FUT9: variants seen among roughly 807,000 people sequenced by gnomAD.
FUT9 encodes the protein fucosyltransferase 9, also known as 4-galactosyl-N-acetylglucosaminide 3-alpha-L-fucosyltransferase 9.
Under a neutral mutation model 29.7 loss-of-function variants are expected in FUT9, and 15 were observed. The ratio of observed to expected loss-of-function variants is 0.51; its 90% CI spans 0.34 to 0.78. FUT9 has a LOEUF of 0.78. FUT9 is among the 30% of genes least tolerant of loss of function. The pLI is 0.01. For missense variants in FUT9, 319 were observed against 425.4 expected, an observed-to-expected ratio of 0.75 and a Z score of 2.20; for synonymous variants, 169 against 153.7, an observed-to-expected ratio of 1.10 and a Z score of -0.74.
At chr6:96,108,144 G>T (rs1771727844) in intron 1 of FUT9, among the ~76,000 whole-genome samples, 1 of 151,948 alleles carries the variant, frequency 6.6e-6, no homozygotes, top group Non-Finnish European at 1.5e-5. Context: ...GTTCTTTTCA[G>T]TCTAGGATTC....
chr6:96,104,706 G>A (rs1442997850), intron 1 of FUT9, among the ~76,000 whole-genome samples: 1 of 151,770 alleles, frequency 6.6e-6, no homozygotes. Context: ...CATTTTTTGT[G>A]TTTTCAGTAG....
At chr6:96,184,707 G>T (rs1248498465) in intron 2 of FUT9, among the ~76,000 whole-genome samples, 3 of 151,964 alleles carry the variant, frequency 2.0e-5, no homozygotes, top group African/African-American at 7.2e-5. Flanking sequence ...TTTCATTGTT[G>T]ACCTGATGAT....
intron 1 of FUT9, among the ~76,000 whole-genome samples, chr6:96,089,791 ATAAAAG>A (rs1582222025): frequency 6.6e-6 from 1 of 152,318 alleles, no homozygotes; most frequent in East Asian, 1.9e-4. Flanking sequence ...CTTTTAAGCT[ATAAAAG>A]TGTGGCCTCT....
intron 1 of FUT9, among the ~76,000 whole-genome samples, chr6:96,105,233 T>C (rs1771656379): frequency 6.6e-6 from 1 of 152,216 alleles, no homozygotes; most frequent in Admixed American, 6.5e-5. Flanking sequence ...TTCTGAACAA[T>C]ATAATGTATT....
rs958717417 is a variant in FUT9, at chr6:96,207,506, A to G, written c.*3271A>G. The G allele has an allele frequency of 1.2e-5, 2 of 167,046 alleles. No homozygotes were observed. The highest frequency in any genetic ancestry group is 2.4e-5 in the African/African-American group (1 of 41,446). The allele number at this position is 167,046 out of a possible 1,614,324, so 10.3% of individuals were successfully genotyped here. On this transcript the variant is annotated 3_prime_UTR_variant, in exon 3 of 3. Coordinates refer to ENST00000302103, the MANE Select transcript of FUT9 (RefSeq NM_006581.4). ...TCTGGTTTAAATATTTTAGGAGTTG[A>G]GTTCAGCAGAAGGAAATGGGCTATC...
chr6:96,188,197 A>G (rs779157438), intron 2 of FUT9, among the ~76,000 whole-genome samples: 17 of 152,174 alleles, frequency 1.1e-4, no homozygotes, highest in Non-Finnish European at 2.5e-4. Flanking sequence ...TTTCATTCAT[A>G]TAATTCATAG....
At chr6:96,085,103 C>T (rs960794009) in intron 1 of FUT9, among the ~76,000 whole-genome samples, 3 of 151,968 alleles carry the variant, frequency 2.0e-5, no homozygotes, top group Non-Finnish European at 4.4e-5. Context: ...TTTAAAAATA[C>T]AGTACAGCAA....
intron 1 of FUT9, among the ~76,000 whole-genome samples, chr6:96,101,570 T>A (rs1434797372): frequency 6.6e-6 from 1 of 151,494 alleles, no homozygotes; most frequent in Non-Finnish European, 1.5e-5. Flanking sequence ...AACATAAAAA[T>A]GTACATTTTA....
intron 2 of FUT9, among the ~76,000 whole-genome samples, chr6:96,164,321 C>T (rs1772972599): frequency 2.8e-5 from 4 of 142,210 alleles, no homozygotes; most frequent in Admixed American, 1.5e-4. Context: ...TGCAGTGGCG[C>T]GATCTCAGCT....
chr6:96,120,404 G>A (rs1396518786), intron 2 of FUT9, among the ~76,000 whole-genome samples: 3 of 149,464 alleles, frequency 2.0e-5, no homozygotes, highest in African/African-American at 7.4e-5. Flanking sequence ...CCCAGTAGCT[G>A]GGACTACAGG....
chr6:96,120,836 G>T (rs1173531718), intron 2 of FUT9, among the ~76,000 whole-genome samples: 1 of 151,786 alleles, frequency 6.6e-6, no homozygotes, highest in East Asian at 1.9e-4. Context: ...ATGAGTCTTG[G>T]TGGTGTCTCA....
intron 1 of FUT9, among the ~76,000 whole-genome samples, chr6:96,091,382 C>T (rs1771409125): frequency 6.6e-6 from 1 of 151,982 alleles, no homozygotes; most frequent in Non-Finnish European, 1.5e-5. Context: ...TTCATTGGGA[C>T]CCTTCTGTAT....
At chr6:96,056,683 G>A (rs576422407) in intron 1 of FUT9, among the ~76,000 whole-genome samples, 99 of 152,030 alleles carry the variant, frequency 6.5e-4, no homozygotes, top group Non-Finnish European at 9.4e-4. Flanking sequence ...CCAGGAGTTC[G>A]AGTAGGCAGA....
chr6:96,140,373 C>T (rs925667566), intron 2 of FUT9, among the ~76,000 whole-genome samples: 2 of 150,994 alleles, frequency 1.3e-5, no homozygotes, highest in African/African-American at 4.9e-5. Context: ...CAACATCTTC[C>T]TGTCTTCTTC....
chr6:96,113,486 G>A (rs910652010), intron 1 of FUT9, among the ~76,000 whole-genome samples: 35 of 150,250 alleles, frequency 2.3e-4, no homozygotes, highest in African/African-American at 6.1e-4. Context: ...TGATTCACCC[G>A]TCTCGGCCTC....
intron 2 of FUT9, among the ~76,000 whole-genome samples, chr6:96,171,942 G>A (rs1004740727): frequency 3.3e-5 from 5 of 152,270 alleles, no homozygotes; most frequent in African/African-American, 1.2e-4. Context: ...AATTCTTATG[G>A]TAGAATGTAT....
intron 2 of FUT9, among the ~76,000 whole-genome samples, chr6:96,155,195 G>T (rs1354264172): frequency 6.6e-6 from 1 of 151,980 alleles, no homozygotes; most frequent in Non-Finnish European, 1.5e-5. Flanking sequence ...CTGATTCTTT[G>T]AAATCCAGAA....
chr6:96,095,790 G>A (rs941823636), intron 1 of FUT9, among the ~76,000 whole-genome samples: 2 of 152,038 alleles, frequency 1.3e-5, no homozygotes, highest in African/African-American at 4.8e-5. Flanking sequence ...GTCTGGCTTT[G>A]AATTACAGCT....
chr6:96,112,966 C>T (rs1355737115), intron 1 of FUT9, among the ~76,000 whole-genome samples: 1 of 152,126 alleles, frequency 6.6e-6, no homozygotes, highest in Non-Finnish European at 1.5e-5. Context: ...ACACACATCA[C>T]CATTAAAATG....
Sources: allele counts gnomAD v4.1 joint callset (sites outside exome capture counted in the v4.1 genomes callset), GRCh38; gene constraint gnomAD v4.1.1; transcripts MANE v1.5; gene names NCBI Gene and HGNC (gene_info 2026-07-23, HGNC 2026-07-21).